The following KIFC3 variants were observed in gnomAD, a reference collection of about 807,000 sequenced individuals.
KIFC3 encodes kinesin-like protein KIFC3.
Under a neutral mutation model 101.8 loss-of-function variants are expected in KIFC3, and 60 were observed. That is an observed-to-expected ratio of 0.59 (90% confidence interval 0.48 to 0.73). KIFC3 has a LOEUF of 0.73. Ranked by LOEUF, KIFC3 falls within the 30% of genes least tolerant of loss-of-function variation. The probability of loss-of-function intolerance (pLI) is 0.00; values close to 1 mark genes in which losing one functional copy is unlikely to be tolerated. For synonymous variants in KIFC3, 476 were observed against 482.7 expected, an observed-to-expected ratio of 0.99 and a Z score of 0.18; for missense variants, 966 against 1,137.1, an observed-to-expected ratio of 0.85 and a Z score of 2.16.
intron 1 of KIFC3, among the ~76,000 whole-genome samples, chr16:57,844,589 A>G (rs951702490): frequency 9.9e-5 from 15 of 152,012 alleles, no homozygotes; most frequent in Non-Finnish European, 1.5e-5. Context: ...GAGGTGCTGG[A>G]GCTGCGCCAG....
chr16:57,764,629 G>A (rs1439343100), intron 11 of KIFC3, among the ~76,000 whole-genome samples: 1 of 152,254 alleles, frequency 6.6e-6, no homozygotes, highest in Non-Finnish European at 1.5e-5. Context: ...GAACAGGAGG[G>A]CACAGGCCTG....
intron 1 of KIFC3, among the ~76,000 whole-genome samples, chr16:57,850,704 G>A (rs918821394): frequency 6.6e-6 from 1 of 151,662 alleles, no homozygotes; most frequent in Non-Finnish European, 1.5e-5. Flanking sequence ...TCGAACTCCC[G>A]ACCTCAGGTG....
rs889448111 is a variant in KIFC3 at position 57,760,907 on chromosome 16, G to A, written c.2051C>T (p.Ser684Leu). 3 of 1,609,200 alleles carry A rather than the reference G, an allele frequency of 1.9e-6. No homozygotes were observed. Among genetic ancestry groups the A allele is most frequent in the Admixed American group, 1.7e-5 (1 of 59,888 alleles). The change falls in exon 16 of 20, where the codon TCG becomes TTG. Residue 684 changes from serine to leucine, a missense_variant. Ser to Leu is a moderately radical substitution (Grantham distance 145). This residue lies in a region of KIFC3 where 689 missense variants were observed against 884.6 expected (regional missense o/e 0.78). Coordinates refer to ENST00000445690, the MANE Select transcript of KIFC3 (RefSeq NM_001130100.2). ...DLAGSERVGK[S>L]GAEGSRLREA... is the part of the protein sequence containing the mutation. ...CCGCAGGCGGCTGCCCTCGGCCCCC[G>A]ACTTGCCCACGCGCTCCGAGCCAGC... is the stretch of plus-strand genomic sequence containing the variant.
chr16:57,850,498 G>A (rs572660405), intron 1 of KIFC3, among the ~76,000 whole-genome samples: 7 of 111,300 alleles, frequency 6.3e-5, no homozygotes, highest in Non-Finnish European at 1.0e-4. Context: ...TTGAGATGGA[G>A]TCTCACTCAC....
chr16:57,851,722 A>C (rs1355483254), intron 1 of KIFC3, among the ~76,000 whole-genome samples: 2 of 151,470 alleles, frequency 1.3e-5, no homozygotes, highest in Admixed American at 6.6e-5. Flanking sequence ...CTGCACCACC[A>C]CACCCGGCTA....
chr16:57,835,666 C>A (rs2055670578), intron 1 of KIFC3, among the ~76,000 whole-genome samples: 1 of 152,164 alleles, frequency 6.6e-6, no homozygotes, highest in African/African-American at 2.4e-5. Context: ...AACTCCATTC[C>A]AGCCCAGGCG....
Position 57,758,636 on chromosome 16 carries a change from CGGG to C in KIFC3, c.*295_*297del. 4 of 699,134 alleles carry C rather than the reference CGGG, an allele frequency of 5.7e-6. No homozygotes were observed. The highest frequency in any genetic ancestry group is 1.0e-5 in the Non-Finnish European group (4 of 383,492). The allele number at this position is 699,134 out of a possible 1,614,324, so 43.3% of individuals were successfully genotyped here. On this transcript the variant is annotated 3_prime_UTR_variant, in exon 20 of 20. Transcript: ENST00000445690. ...CTCCTCCACACTCCCGCCCTCCTCA[CGGG>C]GCCCAGTTCGCTGATGGCCCAGGCC...
chr16:57,808,375 G>A (rs942321555), intron 1 of KIFC3, among the ~76,000 whole-genome samples: 3 of 150,806 alleles, frequency 2.0e-5, no homozygotes, highest in Non-Finnish European at 3.0e-5. Context: ...AGAAGCCGCC[G>A]GGCTCCTCCT....
intron 3 of KIFC3, chr16:57,788,775 C>A: frequency 7.9e-7 from 1 of 1,273,748 alleles, no homozygotes; most frequent in Non-Finnish European, 1.0e-6. Context: ...GACCCTCGAG[C>A]CAGAGGATGG....
At chr16:57,845,631 G>T (rs2055902622) in intron 1 of KIFC3, among the ~76,000 whole-genome samples, 1 of 152,066 alleles carries the variant, frequency 6.6e-6, no homozygotes, top group African/African-American at 2.4e-5. Flanking sequence ...GCTCAGGCAG[G>T]TGTTCCTCAA....
chr16:57,855,575 T>G (rs1050200218), intron 1 of KIFC3, among the ~76,000 whole-genome samples: 1 of 151,812 alleles, frequency 6.6e-6, no homozygotes, highest in Non-Finnish European at 1.5e-5. Context: ...AAAAAAAAGC[T>G]AAGCTTCCAA....
chr16:57,790,080 T>TTCTTTCTTTC (rs1386027090), intron 3 of KIFC3, among the ~76,000 whole-genome samples: 25 of 134,550 alleles, frequency 1.9e-4, no homozygotes, highest in Non-Finnish European at 3.8e-4. Flanking sequence ...CTTTCTTTCT[T>TTCTTTCTTTC]TTTTTTTTTT....
intron 4 of KIFC3, among the ~76,000 whole-genome samples, chr16:57,772,000 C>T (rs2051293988): frequency 6.6e-6 from 1 of 152,088 alleles, no homozygotes; most frequent in Admixed American, 6.5e-5. Context: ...AGGGTTCACA[C>T]TCCCGTTTAA....
chr16:57,800,705 A>T (rs1180733302), intron 1 of KIFC3, among the ~76,000 whole-genome samples: 2 of 152,208 alleles, frequency 1.3e-5, no homozygotes, highest in African/African-American at 4.8e-5. Context: ...AGAAAGAGGA[A>T]GGGCGTGTGC....
intron 7 of KIFC3, 150 bp from the exon 8 acceptor site, chr16:57,770,105 C>G (rs2050972076): frequency 5.1e-6 from 5 of 988,642 alleles, no homozygotes; most frequent in Middle Eastern, 2.9e-4. Flanking sequence ...ATGGCCTTGT[C>G]TCCCTCCCCC....
At chr16:57,794,014 G>A (rs986209137) in intron 3 of KIFC3, among the ~76,000 whole-genome samples, 10 of 152,238 alleles carry the variant, frequency 6.6e-5, no homozygotes, top group Non-Finnish European at 1.0e-4. Context: ...GACCAGCAGC[G>A]AGTAACTTAA....
intron 1 of KIFC3, among the ~76,000 whole-genome samples, chr16:57,815,811 C>G (rs576749549): frequency 1.3e-5 from 2 of 152,196 alleles, no homozygotes; most frequent in Admixed American, 1.3e-4. Context: ...CACACACACC[C>G]CCAAACACCC....
In KIFC3 at chr16:57,760,890, G is replaced by T; in HGVS notation, c.2068C>A (p.Arg690Ser). ...TTGATGTGCTGCGCCTCCCGCAGGC[G>T]GCTGCCCTCGGCCCCCGACTTGCCC... ...RVGKSGAEGSRLREAQHINKS... is the reference protein window; with the variant it reads ...RVGKSGAEGSSLREAQHINKS... The change falls in exon 16 of 20, where the codon CGC (arginine) becomes AGC (serine). Residue 690 changes from arginine to serine, a missense_variant. Arg to Ser is a moderately radical substitution (Grantham distance 110). Around this residue, in one of 2 missense-constraint regions of KIFC3, gnomAD observed 689 missense variants for 884.6 expected, o/e 0.78. Transcript: ENST00000445690. 6.2e-7 allele frequency: 1 copy of T among 1,610,434 alleles called. No individual in the cohort carries two copies. The highest frequency in any genetic ancestry group is 8.5e-7 in the Non-Finnish European group (1 of 1,179,606).
At chr16:57,816,979 G>T (rs1555628991) in intron 1 of KIFC3, 4 of 328,056 alleles carry the variant, frequency 1.2e-5, no homozygotes, top group African/African-American at 4.3e-5. Flanking sequence ...ATGGCATGGA[G>T]CACTTTTTCT....
Sources: allele counts gnomAD v4.1 joint callset (sites outside exome capture counted in the v4.1 genomes callset), GRCh38; gene constraint gnomAD v4.1.1; regional missense constraint gnomAD v4.1.1; transcripts MANE v1.5; gene names NCBI Gene and HGNC (gene_info 2026-07-23, HGNC 2026-07-21).